The following AP3B1 variants were observed in gnomAD, a reference collection of about 807,000 sequenced individuals.
The protein encoded by AP3B1 is adaptor related protein complex 3 subunit beta 1, also known as AP-3 complex subunit beta-1.
AP3B1 carries 61 observed loss-of-function variants against 132.5 expected under a neutral mutation model. The observed-to-expected ratio is 0.46, with a 90% CI of 0.37 to 0.57. The LOEUF (loss-of-function observed/expected upper bound fraction) is 0.57. Among genes scored for constraint, AP3B1 ranks in the 20% least tolerant of loss-of-function variants. The pLI, the probability that AP3B1 is intolerant of heterozygous loss-of-function variation, is 0.00. For synonymous variants in AP3B1, 388 were observed against 438.3 expected (o/e 0.89, Z 1.43); for missense variants, 1,120 against 1,289.4 (o/e 0.87, Z 2.01).
At chr5:78,081,546 C>T (rs1449363982) in intron 22 of AP3B1, among the ~76,000 whole-genome samples, 1 of 152,064 alleles carries the variant, frequency 6.6e-6, no homozygotes, top group Non-Finnish European at 1.5e-5. Flanking sequence ...ATCCGCCCGC[C>T]TCGGCCTTCC....
At chr5:78,008,463 G>T (rs1252072334) in intron 26 of AP3B1, among the ~76,000 whole-genome samples, 1 of 152,164 alleles carries the variant, frequency 6.6e-6, no homozygotes, top group Non-Finnish European at 1.5e-5. Context: ...CTTTCTGTGT[G>T]AAAATTAACT....
At chr5:78,163,157 T>C (rs1014585449) in intron 12 of AP3B1, among the ~76,000 whole-genome samples, 3 of 152,182 alleles carry the variant, frequency 2.0e-5, no homozygotes, top group Non-Finnish European at 4.4e-5. Flanking sequence ...ACGAAGCACA[T>C]TTTCAAGCCA....
chr5:78,030,703 GA>G (rs1000195566), intron 24 of AP3B1, among the ~76,000 whole-genome samples: 2 of 152,090 alleles, frequency 1.3e-5, no homozygotes, highest in African/African-American at 4.8e-5. Flanking sequence ...TACGGGCAGG[GA>G]TACACTCTGT....
intron 26 of AP3B1, among the ~76,000 whole-genome samples, chr5:78,009,855 T>C (rs906146473): frequency 6.6e-6 from 1 of 152,218 alleles, no homozygotes; most frequent in Non-Finnish European, 1.5e-5. Context: ...AGAATCTTAC[T>C]GAATAAGCTA....
At chr5:78,034,597 A>C in intron 23 of AP3B1, 152 bp from the exon 24 acceptor site, 1 of 668,534 alleles carries the variant, frequency 1.5e-6, no homozygotes, top group Non-Finnish European at 2.7e-6. Context: ...ATTAAAGCAA[A>C]TTACAAAGTA....
chr5:78,141,076 C>A, intron 15 of AP3B1, 67 bp downstream of exon 15: 1 of 1,448,340 alleles, frequency 6.9e-7, no homozygotes, highest in East Asian at 2.3e-5. Context: ...GGCACAGACC[C>A]CCGCTGTTTG....
In AP3B1 at chr5:78,167,624, T is replaced by G. The variant is rs548390696; in HGVS notation, c.1168-1952A>C. Among the ~76,000 whole-genome samples the G allele has an allele frequency of 1.4e-4, 19 of 137,906 alleles. No homozygotes were observed. The East Asian group carries it at 4.2e-3, about 31-fold the overall frequency. 90.5% of individuals were successfully genotyped at this position (137,906 alleles called of 152,430 possible). ...ATCAACATGTGGATAAAGAACATGT[T>G]ATATATATACACACACACACACACA... On this transcript the variant is annotated intron_variant, in intron 11 of 26. Transcript: ENST00000255194.
intron 3 of AP3B1, among the ~76,000 whole-genome samples, chr5:78,238,597 T>A (rs934814216): frequency 1.3e-5 from 2 of 152,052 alleles, no homozygotes; most frequent in African/African-American, 4.8e-5. Context: ...CACACAATGG[T>A]AAGTATTTGT....
chr5:78,207,263 A>C (rs1745548469), intron 7 of AP3B1, among the ~76,000 whole-genome samples: 1 of 151,224 alleles, frequency 6.6e-6, no homozygotes, highest in East Asian at 1.9e-4. Flanking sequence ...GTGTCAAAAA[A>C]AAAAAAAAAA....
chr5:78,038,363 G>A (rs900526939), intron 23 of AP3B1, among the ~76,000 whole-genome samples: 2 of 152,162 alleles, frequency 1.3e-5, no homozygotes, highest in Non-Finnish European at 2.9e-5. Flanking sequence ...TCGGGGGTGT[G>A]CAATCTTTTG....
chr5:78,076,411 T>A (rs578140310), intron 22 of AP3B1, among the ~76,000 whole-genome samples: 1 of 152,334 alleles, frequency 6.6e-6, no homozygotes, highest in South Asian at 2.1e-4. Context: ...TAGGACTTTC[T>A]CTTAGCTCTT....
chr5:78,100,850 A>G (rs1238458677), intron 21 of AP3B1, 103 bp downstream of exon 21: 6 of 699,272 alleles, frequency 8.6e-6, no homozygotes, highest in African/African-American at 3.6e-5. Flanking sequence ...AGTCTTTCAC[A>G]ATAAATATTG....
At chr5:78,055,139 C>T (rs941483141) in intron 22 of AP3B1, among the ~76,000 whole-genome samples, 3 of 152,028 alleles carry the variant, frequency 2.0e-5, no homozygotes, top group South Asian at 2.1e-4. Flanking sequence ...ATGGAGAGAA[C>T]GTGATTTACT....
intron 22 of AP3B1, among the ~76,000 whole-genome samples, chr5:78,069,967 C>T (rs1359431075): frequency 1.3e-5 from 2 of 152,154 alleles, no homozygotes; most frequent in Non-Finnish European, 2.9e-5. Context: ...ACCATCTGAT[C>T]TTTGACAAAA....
At chr5:78,050,326 C>G (rs546762312) in intron 22 of AP3B1, among the ~76,000 whole-genome samples, 8 of 152,274 alleles carry the variant, frequency 5.3e-5, no homozygotes, top group African/African-American at 1.9e-4. Context: ...CCATCTACTT[C>G]CCACTTTTAT....
chr5:78,009,291 CAAA>C (rs1286628758), intron 26 of AP3B1, among the ~76,000 whole-genome samples: 2 of 51,964 alleles, frequency 3.8e-5, no homozygotes. Flanking sequence ...CCTGTCTCTA[CAAA>C]AAAAAAAAAA....
intron 22 of AP3B1, 62 bp downstream of exon 22, chr5:78,089,331 A>T: frequency 8.2e-7 from 1 of 1,219,584 alleles, no homozygotes; most frequent in Non-Finnish European, 1.2e-6. Flanking sequence ...TTTACATTTT[A>T]ATAAAAAAGA....
intron 1 of AP3B1, among the ~76,000 whole-genome samples, chr5:78,271,811 C>T (rs1308096382): frequency 6.6e-6 from 1 of 152,176 alleles, no homozygotes; most frequent in Non-Finnish European, 1.5e-5. Context: ...CTGACTATAG[C>T]ATAACGTCAC....
intron 2 of AP3B1, among the ~76,000 whole-genome samples, chr5:78,254,636 TC>T (rs1033419170): frequency 1.9e-4 from 29 of 152,202 alleles, no homozygotes; most frequent in African/African-American, 7.0e-4. Flanking sequence ...AAATAAACTT[TC>T]CCAAACAAAA....
Sources: allele counts gnomAD v4.1 joint callset (sites outside exome capture counted in the v4.1 genomes callset), GRCh38; gene constraint gnomAD v4.1.1; transcripts MANE v1.5; gene names NCBI Gene and HGNC (gene_info 2026-07-23, HGNC 2026-07-21).